ADAMTS16: variants seen among roughly 807,000 people sequenced by gnomAD.
ADAMTS16 encodes the protein A disintegrin and metalloproteinase with thrombospondin motifs 16.
A neutral mutation model predicts 145.8 loss-of-function variants in ADAMTS16; 94 were observed. The ratio of observed to expected loss-of-function variants is 0.64; its 90% CI spans 0.55 to 0.77. ADAMTS16 has a LOEUF of 0.77. Among genes scored for constraint, ADAMTS16 ranks in the 30% least tolerant of loss-of-function variants. The pLI is 0.00. For synonymous variants in ADAMTS16, 659 were observed against 604.3 expected (o/e 1.09, Z -1.33); for missense variants, 1,585 against 1,591.5 (o/e 1.00, Z 0.07).
chr5:5,202,730 A>G (rs963380929), intron 9 of ADAMTS16, among the ~76,000 whole-genome samples: 5 of 152,240 alleles, frequency 3.3e-5, no homozygotes, highest in Admixed American at 3.3e-4. Flanking sequence ...TGAGGAAGAT[A>G]CAGTAACACT....
intron 3 of ADAMTS16, among the ~76,000 whole-genome samples, chr5:5,168,347 C>T (rs930584206): frequency 9.0e-4 from 98 of 108,406 alleles, no homozygotes; most frequent in African/African-American, 3.3e-3. Flanking sequence ...TTTATTTATC[C>T]GAAACATTAT....
chr5:5,187,383 T>C (rs111414617), intron 5 of ADAMTS16, among the ~76,000 whole-genome samples: 2,951 of 152,266 alleles, frequency 0.019, 89 homozygotes, highest in African/African-American at 0.066. Context: ...GAGTTTCTCT[T>C]GCACTTATGG....
intron 3 of ADAMTS16, among the ~76,000 whole-genome samples, chr5:5,153,535 T>C (rs978280): frequency 0.38 from 57,215 of 152,084 alleles, 11,901 homozygotes; most frequent in Middle Eastern, 0.56. Context: ...TTGCTATGAC[T>C]AATGTCAAAC....
At chr5:5,267,962 A>G (rs1338311816) in intron 18 of ADAMTS16, among the ~76,000 whole-genome samples, 1 of 152,178 alleles carries the variant, frequency 6.6e-6, no homozygotes, top group Admixed American at 6.5e-5. Context: ...AGGTGTTCGT[A>G]GGAGACACGG....
chr5:5,193,165 G>A (rs989089630), intron 8 of ADAMTS16, among the ~76,000 whole-genome samples: 1 of 95,774 alleles, frequency 1.0e-5, no homozygotes, highest in African/African-American at 3.8e-5. Flanking sequence ...GTGTGTGTGC[G>A]CGCGCGCACA....
chr5:5,275,306 G>A (rs1265049110), intron 18 of ADAMTS16, among the ~76,000 whole-genome samples: 1 of 151,986 alleles, frequency 6.6e-6, no homozygotes, highest in Admixed American at 6.6e-5. Context: ...TGAAATCAAA[G>A]GAAGTTTTAA....
intron 9 of ADAMTS16, among the ~76,000 whole-genome samples, chr5:5,203,171 T>TA (rs757395271): frequency 5.9e-5 from 9 of 152,338 alleles, no homozygotes; most frequent in Non-Finnish European, 1.3e-4. Context: ...TTTACGTGCT[T>TA]ACAGATTTGT....
rs1182645911 is a variant in ADAMTS16 at position 5,140,644 on chromosome 5, G to A, written c.73-20G>A. 2.0e-6 allele frequency: 3 copies of A among 1,536,914 alleles called. No individual in the cohort carries two copies. The Admixed American group carries it at 5.9e-5, about 30-fold the overall frequency. ...GCGGACCCCGCCGTCTCACCGCGAT[G>A]TCGCCGCTGTTTTCCGCAGGCACCT... On this transcript the variant is annotated intron_variant, in intron 1 of 22. Coordinates refer to ENST00000274181, the MANE Select transcript of ADAMTS16 (RefSeq NM_139056.4).
At chr5:5,147,402 G>A (rs1734332173) in intron 3 of ADAMTS16, among the ~76,000 whole-genome samples, 1 of 152,148 alleles carries the variant, frequency 6.6e-6, no homozygotes, top group East Asian at 1.9e-4. Context: ...TGAGGAGAGG[G>A]AATTCAGACC....
At chr5:5,229,223 G>A (rs13189243) in intron 11 of ADAMTS16, among the ~76,000 whole-genome samples, 18,554 of 147,926 alleles carry the variant, frequency 0.13, 1,172 homozygotes, top group East Asian at 0.16. Context: ...GCATGAACCC[G>A]GGAAGCGGAG....
rs894741768 is a variant in ADAMTS16 at position 5,173,725 on chromosome 5, G to A, written c.502-8319G>A. Among the ~76,000 whole-genome samples the A allele has an allele frequency of 7.2e-5, 11 of 152,016 alleles. No homozygotes were observed. The East Asian group carries it at 1.4e-3, about 19-fold the overall frequency. ...CCTGACCTCATGATCTGCCTGCCTCGGCCTCCCAAAGTGCTGGGATTACAG... is the reference window on the plus strand; with the variant it reads ...CCTGACCTCATGATCTGCCTGCCTCAGCCTCCCAAAGTGCTGGGATTACAG... On this transcript the variant is annotated intron_variant, in intron 3 of 22. Coordinates refer to ENST00000274181, the MANE Select transcript of ADAMTS16 (RefSeq NM_139056.4).
intron 3 of ADAMTS16, among the ~76,000 whole-genome samples, chr5:5,165,502 A>G (rs1223502571): frequency 1.3e-5 from 2 of 152,176 alleles, no homozygotes; most frequent in African/African-American, 4.8e-5. Flanking sequence ...TAATAAGTGA[A>G]TGCTATCCAT....
chr5:5,196,206 C>T (rs897189588), intron 8 of ADAMTS16, among the ~76,000 whole-genome samples: 3 of 133,746 alleles, frequency 2.2e-5, no homozygotes, highest in African/African-American at 2.9e-5. Flanking sequence ...CCACCGCACT[C>T]CAGCCTGGGC....
At chr5:5,265,863 T>C (rs536202292) in intron 18 of ADAMTS16, among the ~76,000 whole-genome samples, 1 of 152,326 alleles carries the variant, frequency 6.6e-6, no homozygotes, top group Non-Finnish European at 1.5e-5. Flanking sequence ...CTTCCTGTGC[T>C]GAATTCCTCT....
intron 16 of ADAMTS16, among the ~76,000 whole-genome samples, chr5:5,240,315 G>T (rs1445719544): frequency 1.3e-5 from 2 of 152,188 alleles, no homozygotes; most frequent in Non-Finnish European, 2.9e-5. Context: ...AGAGCCCAGA[G>T]GTGAAGCCCC....
At chr5:5,252,060 A>G (rs1230022907) in intron 17 of ADAMTS16, among the ~76,000 whole-genome samples, 2 of 152,148 alleles carry the variant, frequency 1.3e-5, no homozygotes, top group Non-Finnish European at 2.9e-5. Context: ...CGTGTTAGCC[A>G]GGATGGTCTT....
At chr5:5,306,036 T>A (rs1486441508) in intron 20 of ADAMTS16, among the ~76,000 whole-genome samples, 1 of 152,196 alleles carries the variant, frequency 6.6e-6, no homozygotes, top group African/African-American at 2.4e-5. Flanking sequence ...GCACGCTTCC[T>A]TTCCTCGCAG....
chr5:5,195,693 A>C (rs1415389979), intron 8 of ADAMTS16, among the ~76,000 whole-genome samples: 2 of 152,218 alleles, frequency 1.3e-5, no homozygotes, highest in Admixed American at 6.5e-5. Context: ...TGTGTGCAGA[A>C]GTATTCATTA....
chr5:5,305,148 A>C (rs1272924005), intron 20 of ADAMTS16, among the ~76,000 whole-genome samples: 1 of 52,928 alleles, frequency 1.9e-5, no homozygotes, highest in Admixed American at 2.0e-4. Flanking sequence ...CACATCCCAC[A>C]CCACACACAC....
Sources: gnomAD v4.1 joint callset for allele counts (sites outside exome capture counted in the v4.1 genomes callset) on GRCh38, gnomAD v4.1.1 for gene constraint, MANE v1.5 for transcripts, NCBI Gene and HGNC (gene_info 2026-07-23, HGNC 2026-07-21) for gene names.